RBFOX1: variants seen among roughly 807,000 people sequenced by gnomAD.
RBFOX1 encodes RNA binding protein fox-1 homolog 1.
RBFOX1 carries 8 observed loss-of-function variants against 57.7 expected under a neutral mutation model. The ratio of observed to expected loss-of-function variants is 0.14; its 90% CI spans 0.08 to 0.25. RBFOX1 has a LOEUF of 0.25. Ranked by LOEUF, RBFOX1 falls within the 10% of genes least tolerant of loss-of-function variation. RBFOX1 has a pLI of 1.00. For synonymous variants in RBFOX1, 326 were observed against 222.4 expected, an observed-to-expected ratio of 1.47 and a Z score of -4.15; for missense variants, 611 against 548.5, an observed-to-expected ratio of 1.11 and a Z score of -1.14.
At chr16:7,696,443 G>T (rs1297861604) in intron 14 of RBFOX1, among the ~76,000 whole-genome samples, 1 of 152,096 alleles carries the variant, frequency 6.6e-6, no homozygotes, top group Non-Finnish European at 1.5e-5. Flanking sequence ...GATTCATTAG[G>T]AATTTTCCAG....
At chr16:5,809,010 C>G (rs1447076089) in intron 3 of RBFOX1, among the ~76,000 whole-genome samples, 3 of 151,972 alleles carry the variant, frequency 2.0e-5, no homozygotes, top group Non-Finnish European at 2.9e-5. Context: ...TTTTCAAACC[C>G]TAACGCTGCG....
intron 1 of RBFOX1, among the ~76,000 whole-genome samples, chr16:5,449,179 C>T (rs185509267): frequency 7.0e-4 from 107 of 152,246 alleles, no homozygotes; most frequent in African/African-American, 2.4e-3. Context: ...CCCAAAGCCC[C>T]ACTCCCGACA....
intron 4 of RBFOX1, among the ~76,000 whole-genome samples, chr16:7,250,392 G>T (rs774419300): frequency 6.6e-6 from 1 of 152,192 alleles, no homozygotes; most frequent in South Asian, 2.1e-4. Context: ...CCAGCTTAAT[G>T]ATATAAAGCC....
At chr16:6,637,102 T>G (rs1231175564) in intron 2 of RBFOX1, among the ~76,000 whole-genome samples, 4 of 39,234 alleles carry the variant, frequency 1.0e-4, no homozygotes, top group Admixed American at 4.9e-4. Flanking sequence ...ATTAAATATA[T>G]ATATTATATA....
intron 2 of RBFOX1, among the ~76,000 whole-genome samples, chr16:6,652,551 C>T (rs78548222): frequency 0.044 from 6,758 of 152,126 alleles, 428 homozygotes; most frequent in Admixed American, 0.15. Flanking sequence ...CATCTACAAG[C>T]CAGGAAGAGG....
At chr16:7,038,456 C>G (rs1022658975) in intron 3 of RBFOX1, among the ~76,000 whole-genome samples, 1 of 152,150 alleles carries the variant, frequency 6.6e-6, no homozygotes, top group Non-Finnish European at 1.5e-5. Flanking sequence ...CTTATTAAAT[C>G]TGGAGAATAA....
At chr16:6,699,085 C>T (rs1022552898) in intron 3 of RBFOX1, among the ~76,000 whole-genome samples, 3 of 152,136 alleles carry the variant, frequency 2.0e-5, no homozygotes, top group African/African-American at 7.2e-5. Context: ...AAGTGACAAT[C>T]ATAACCAGCA....
At chr16:6,566,576 C>T (rs900580802) in intron 2 of RBFOX1, among the ~76,000 whole-genome samples, 2 of 152,146 alleles carry the variant, frequency 1.3e-5, no homozygotes, top group African/African-American at 2.4e-5. Context: ...CTTTGTTTGC[C>T]GAAATACTGC....
chr16:7,644,225 A>G (rs1459245411), intron 11 of RBFOX1, among the ~76,000 whole-genome samples: 1 of 152,034 alleles, frequency 6.6e-6, no homozygotes, highest in Non-Finnish European at 1.5e-5. Flanking sequence ...CTCCATCTCC[A>G]CCCCAGGAAA....
intron 3 of RBFOX1, among the ~76,000 whole-genome samples, chr16:5,789,277 G>T (rs532490175): frequency 3.5e-4 from 53 of 152,130 alleles, no homozygotes; most frequent in Non-Finnish European, 5.9e-4. Context: ...GAAAACCCAG[G>T]GAGCCAGGCG....
chr16:6,812,125 A>G (rs1012500052), intron 3 of RBFOX1, among the ~76,000 whole-genome samples: 1 of 152,174 alleles, frequency 6.6e-6, no homozygotes, highest in Admixed American at 6.5e-5. Flanking sequence ...ACTCACTACC[A>G]AAGCAAAATC....
intron 4 of RBFOX1, among the ~76,000 whole-genome samples, chr16:7,241,385 A>G (rs528450856): frequency 1.3e-5 from 2 of 152,264 alleles, no homozygotes; most frequent in African/African-American, 2.4e-5. Context: ...TCCCTGTAGG[A>G]TTAGGGGATT....
At chr16:6,811,231 A>G (rs1332111016) in intron 3 of RBFOX1, among the ~76,000 whole-genome samples, 1 of 152,224 alleles carries the variant, frequency 6.6e-6, no homozygotes, top group African/African-American at 2.4e-5. Context: ...TATAGGCAGG[A>G]AAAATCAAGA....
intron 1 of RBFOX1, among the ~76,000 whole-genome samples, chr16:5,439,563 G>C (rs1323693891): frequency 6.6e-6 from 1 of 151,962 alleles, no homozygotes; most frequent in Admixed American, 6.6e-5. Flanking sequence ...TTGTGAACTG[G>C]GCATGAGGAA....
intron 4 of RBFOX1, among the ~76,000 whole-genome samples, chr16:7,290,592 A>T (rs1040391401): frequency 6.6e-6 from 1 of 152,232 alleles, no homozygotes; most frequent in Non-Finnish European, 1.5e-5. Context: ...AAGAGGACTA[A>T]TATTTTCATT....
In RBFOX1 at chr16:5,421,929, G is replaced by A. The variant is rs1036240812; in HGVS notation, c.220-45287G>A. Among the ~76,000 whole-genome samples, 4 of 152,146 alleles carry A rather than the reference G, an allele frequency of 2.6e-5. No individual in the cohort carries two copies. In the East Asian group the frequency reaches 7.7e-4, roughly 29 times the overall value. On this transcript the variant is annotated intron_variant, in intron 1 of 2. Coordinates refer to the RBFOX1 transcript ENST00000585867. ...TCAATATCATTTTTTAGCTGTGTGAGTGTCAAGAATACGAAAAGAGCCATG... is the reference window on the plus strand; with the variant it reads ...TCAATATCATTTTTTAGCTGTGTGAATGTCAAGAATACGAAAAGAGCCATG...
intron 2 of RBFOX1, among the ~76,000 whole-genome samples, chr16:5,597,332 A>G (rs5015131): frequency 7.0e-6 from 1 of 142,732 alleles, no homozygotes; most frequent in East Asian, 2.0e-4. Flanking sequence ...CTTGCTTGAG[A>G]CACACACGAC....
intron 4 of RBFOX1, among the ~76,000 whole-genome samples, chr16:5,881,551 A>G (rs1353748969): frequency 6.6e-6 from 1 of 152,130 alleles, no homozygotes; most frequent in Non-Finnish European, 1.5e-5. Flanking sequence ...GTGGTGGCAC[A>G]TGCTTATAAT....
At chr16:6,901,744 T>C (rs1352302630) in intron 3 of RBFOX1, among the ~76,000 whole-genome samples, 1 of 152,204 alleles carries the variant, frequency 6.6e-6, no homozygotes. Flanking sequence ...TAAATACTGC[T>C]TCAGACCCAG....
Sources: gnomAD v4.1 joint callset for allele counts (sites outside exome capture counted in the v4.1 genomes callset) on GRCh38, gnomAD v4.1.1 for gene constraint, MANE v1.5 for transcripts, NCBI Gene and HGNC (gene_info 2026-07-23, HGNC 2026-07-21) for gene names.